PPARGC1A: variants seen among roughly 807,000 people sequenced by gnomAD.
The protein encoded by PPARGC1A is peroxisome proliferator-activated receptor gamma coactivator 1-alpha.
A neutral mutation model predicts 88.7 loss-of-function variants in PPARGC1A; 25 were observed. That is an observed-to-expected ratio of 0.28 (90% CI 0.21 to 0.39). The LOEUF (loss-of-function observed/expected upper bound fraction) is 0.39. PPARGC1A is among the 10% of genes least tolerant of loss of function. The probability of loss-of-function intolerance (pLI) is 1.00; values close to 1 mark genes in which losing one functional copy is unlikely to be tolerated. For synonymous variants in PPARGC1A, 363 were observed against 355.6 expected, an observed-to-expected ratio of 1.02 and a Z score of -0.24; for missense variants, 880 against 968.7, an observed-to-expected ratio of 0.91 and a Z score of 1.22.
the PPARGC1A span, among the ~76,000 whole-genome samples, chr4:24,060,516 T>TATTTTTGTAGA: frequency 1.3e-5 from 2 of 152,238 alleles, no homozygotes; most frequent in Non-Finnish European, 2.9e-5. Flanking sequence ...TTTTTAAAAG[T>TATTTTTGTAGA]ACTTTTGTAG....
chr4:23,995,275 C>T, the PPARGC1A span, among the ~76,000 whole-genome samples: 13 of 152,166 alleles, frequency 8.5e-5, no homozygotes, highest in Non-Finnish European at 1.8e-4. Flanking sequence ...CACACATGTA[C>T]ATGCACACAT....
chr4:24,405,457 C>T, the PPARGC1A span, among the ~76,000 whole-genome samples: 5 of 152,150 alleles, frequency 3.3e-5, no homozygotes, highest in African/African-American at 7.2e-5. Flanking sequence ...GAATTATCTC[C>T]GCAGGCTGGC....
the PPARGC1A span, among the ~76,000 whole-genome samples, chr4:24,176,942 G>A: frequency 6.6e-6 from 1 of 152,172 alleles, no homozygotes; most frequent in Non-Finnish European, 1.5e-5. Context: ...ACACCAGATG[G>A]TAAGTTCCTT....
upstream of PPARGC1A, among the ~76,000 whole-genome samples, chr4:23,894,799 A>C (rs1307107557): frequency 6.6e-6 from 1 of 152,170 alleles, no homozygotes; most frequent in East Asian, 1.9e-4. Flanking sequence ...TTAAGCACAG[A>C]GATAAGAGAT....
chr4:23,889,945 T>C lies in PPARGC1A; in HGVS notation c.13A>G (p.Met5Val). MAWDMCNQDSESVWS... is the reference protein window; with the variant it reads MAWDVCNQDSESVWS... ...ACAGACTCAGAGTCCTGGTTGCACA[T>C]GTCCCACGCCATCCAGCTCCTGAAT... The change falls in exon 1 of 13, where the codon ATG becomes GTG. Residue 5 changes from methionine (M) to valine (V), a missense_variant. By Grantham distance (21) the Met-to-Val change is conservative (BLOSUM62 1). Coordinates refer to ENST00000264867, the MANE Select transcript of PPARGC1A (RefSeq NM_013261.5). 6.2e-7 allele frequency: 1 copy of C among 1,613,916 alleles called. No homozygotes were observed. Among genetic ancestry groups the C allele is most frequent in the South Asian group, 1.1e-5 (1 of 91,064 alleles).
chr4:24,186,643 C>A, the PPARGC1A span, among the ~76,000 whole-genome samples: 5 of 152,060 alleles, frequency 3.3e-5, no homozygotes, highest in African/African-American at 1.2e-4. Flanking sequence ...ATTCCTCACA[C>A]TCTATTATGG....
chr4:23,827,272 A>G (rs1460452448), intron 5 of PPARGC1A, among the ~76,000 whole-genome samples: 1 of 152,164 alleles, frequency 6.6e-6, no homozygotes, highest in Non-Finnish European at 1.5e-5. Context: ...GCTAATACTG[A>G]GGTAGTGAAG....
At chr4:24,225,383 C>T in the PPARGC1A span, among the ~76,000 whole-genome samples, 3 of 152,076 alleles carry the variant, frequency 2.0e-5, no homozygotes, top group African/African-American at 7.2e-5. Context: ...TCCTGGCTAA[C>T]ACGGTGAAAC....
chr4:24,437,594 T>TTTGTTGTTGTTGTTGTTG, the PPARGC1A span, among the ~76,000 whole-genome samples: 1 of 143,754 alleles, frequency 7.0e-6, no homozygotes, highest in African/African-American at 2.6e-5. Context: ...GCACAGGTTT[T>TTTGTTGTTGTTGTTGTTG]TTGTTGTTGT....
the PPARGC1A span, among the ~76,000 whole-genome samples, chr4:24,392,703 T>C: frequency 1.3e-5 from 2 of 152,088 alleles, no homozygotes; most frequent in Admixed American, 1.3e-4. Context: ...TTTTGTCCTT[T>C]CTCTTTCTGG....
chr4:24,091,425 G>A, the PPARGC1A span: 78 of 981,774 alleles, frequency 7.9e-5, no homozygotes, highest in Non-Finnish European at 9.3e-5. Context: ...CAAAAGAGTT[G>A]AGAGAGATTT....
the PPARGC1A span, among the ~76,000 whole-genome samples, chr4:24,147,975 G>A: frequency 6.6e-6 from 1 of 151,974 alleles, no homozygotes; most frequent in Non-Finnish European, 1.5e-5. Flanking sequence ...AAAATACAGA[G>A]AAGCTGGATA....
the PPARGC1A span, among the ~76,000 whole-genome samples, chr4:24,300,324 A>AC: frequency 4.4e-5 from 2 of 44,998 alleles, no homozygotes; most frequent in African/African-American, 1.4e-4. Context: ...ATACAATAGC[A>AC]TTTTTTTTTT....
At chr4:24,048,082 G>A in the PPARGC1A span, among the ~76,000 whole-genome samples, 1 of 152,146 alleles carries the variant, frequency 6.6e-6, no homozygotes, top group Non-Finnish European at 1.5e-5. Flanking sequence ...GTGCTTAGAA[G>A]TATTAGCAAT....
the PPARGC1A span, among the ~76,000 whole-genome samples, chr4:24,122,447 A>AGG: frequency 6.7e-6 from 1 of 150,142 alleles, no homozygotes. Flanking sequence ...AGAGAGAGAG[A>AGG]GAGAGAGAGA....
the PPARGC1A span, among the ~76,000 whole-genome samples, chr4:24,165,346 G>A: frequency 1.9e-4 from 29 of 152,082 alleles, no homozygotes; most frequent in African/African-American, 6.5e-4. Context: ...ACTAATCTTT[G>A]TATAGAACTT....
chr4:23,975,408 A>C, the PPARGC1A span, among the ~76,000 whole-genome samples: 1 of 111,120 alleles, frequency 9.0e-6, no homozygotes, highest in Non-Finnish European at 1.8e-5. Context: ...GATCTAAACT[A>C]TGCTATTCAT....
chr4:24,143,598 G>A, the PPARGC1A span, among the ~76,000 whole-genome samples: 1 of 149,634 alleles, frequency 6.7e-6, no homozygotes, highest in Non-Finnish European at 1.5e-5. Context: ...TAGACAGATA[G>A]ATGGATGGAT....
intron 3 of PPARGC1A, among the ~76,000 whole-genome samples, chr4:23,830,967 T>A (rs1577428957): frequency 2.0e-5 from 3 of 152,212 alleles, no homozygotes; most frequent in Admixed American, 6.5e-5. Context: ...CATTCGTTGA[T>A]CTACCAATTC....
Sources: gnomAD v4.1 joint callset for allele counts (sites outside exome capture counted in the v4.1 genomes callset) on GRCh38, gnomAD v4.1.1 for gene constraint, MANE v1.5 for transcripts, NCBI Gene and HGNC (gene_info 2026-07-23, HGNC 2026-07-21) for gene names.